CCDC7: variants seen among roughly 807,000 people sequenced by gnomAD.
The protein encoded by CCDC7 is coiled-coil domain containing 7, also known as coiled-coil domain-containing protein 7.
Under a neutral mutation model 196.9 loss-of-function variants are expected in CCDC7, and 183 were observed. That is an observed-to-expected ratio of 0.93 (90% confidence interval 0.82 to 1.05). The LOEUF is 1.05. CCDC7 is among the 50% of genes least tolerant of loss of function. The pLI is 0.00. For missense variants in CCDC7, 1,540 were observed against 1,482.2 expected (o/e 1.04, Z -0.64); for synonymous variants, 525 against 484.6 (o/e 1.08, Z -1.10).
At chr10:32,845,935 A>G (rs2093270928) in exon 36 of CCDC7, 2 of 1,611,952 alleles carry the variant, frequency 1.2e-6, no homozygotes, top group Non-Finnish European at 1.7e-6. Flanking sequence ...AGGGCCAATC[A>G]CTACACAACT....
rs540661401 is a variant in CCDC7, at chr10:32,734,568, A to G, written c.2905+5111A>G. 3.3e-5 allele frequency among the ~76,000 whole-genome samples: 5 copies of G among 152,270 alleles called. No individual in the cohort carries two copies. In the South Asian group the frequency reaches 1.0e-3, roughly 32 times the overall value. On this transcript the variant is annotated intron_variant, in intron 28 of 41. Coordinates refer to ENST00000639629, the Ensembl canonical transcript of CCDC7. ...GAGTTTACCTATGTAACAAACATTC[A>G]CAGATACCCCCGAACCTAAAATGAA...
intron 25 of CCDC7, among the ~76,000 whole-genome samples, chr10:32,724,267 C>G (rs2082804159): frequency 6.6e-6 from 1 of 152,112 alleles, no homozygotes; most frequent in Non-Finnish European, 1.5e-5. Flanking sequence ...ATGCATTTCT[C>G]TAACATCTCC....
intron 5 of CCDC7, among the ~76,000 whole-genome samples, chr10:32,468,898 A>G (rs981717158): frequency 6.6e-6 from 1 of 152,232 alleles, no homozygotes; most frequent in African/African-American, 2.4e-5. Flanking sequence ...ATCATTTTGC[A>G]TTACATGTTG....
chr10:32,685,525 A>G lies in CCDC7; in HGVS notation c.2123-445A>G, dbSNP rs2076367573. On this transcript the variant is annotated intron_variant, in intron 21 of 41. Coordinates refer to ENST00000639629, the Ensembl canonical transcript of CCDC7. ...CAGAAGCAGAAACTAAGAATCCATG[A>G]CTGTATTCTCTCCCTTGGACACCCC... Among the ~76,000 whole-genome samples the G allele has an allele frequency of 2.6e-5, 4 of 152,316 alleles. 1 individual carries two copies. The South Asian group carries it at 8.3e-4, about 32-fold the overall frequency.
chr10:32,487,413 C>A (rs1458440064), intron 8 of CCDC7, among the ~76,000 whole-genome samples: 2 of 152,166 alleles, frequency 1.3e-5, no homozygotes, highest in Non-Finnish European at 2.9e-5. Context: ...TTTTTAACTT[C>A]TTTGCCATGG....
In CCDC7 at chr10:32,768,864, C is replaced by A. The variant is rs573854633; in HGVS notation, c.2906-10113C>A. Among the ~76,000 whole-genome samples, 4 of 152,202 alleles carry A rather than the reference C, an allele frequency of 2.6e-5. No individual in the cohort carries two copies. The East Asian group carries it at 7.7e-4, about 29-fold the overall frequency. ...ACCATCCTTGAATCCCTGGAATAAA[C>A]CCCACTTAATCATGGTATATTATAT... On this transcript the variant is annotated intron_variant, in intron 28 of 41. Coordinates refer to ENST00000639629, the Ensembl canonical transcript of CCDC7.
intron 8 of CCDC7, among the ~76,000 whole-genome samples, chr10:32,480,820 T>G (rs2039834315): frequency 6.6e-6 from 1 of 152,192 alleles, no homozygotes; most frequent in Admixed American, 6.5e-5. Context: ...CTCTATATTC[T>G]CCTGCTGTTG....
chr10:32,614,140 G>A (rs2062498545), intron 18 of CCDC7, among the ~76,000 whole-genome samples: 1 of 151,924 alleles, frequency 6.6e-6, no homozygotes, highest in African/African-American at 2.4e-5. Flanking sequence ...TTGTTGCATT[G>A]ATCCCTTTAC....
chr10:32,537,491 C>G (rs541848235), intron 11 of CCDC7, among the ~76,000 whole-genome samples: 2 of 152,048 alleles, frequency 1.3e-5, no homozygotes, highest in Non-Finnish European at 2.9e-5. Context: ...TGCAGAAGCT[C>G]TTTAGTTTGG....
chr10:32,663,104 G>A (rs2140435542), intron 20 of CCDC7, among the ~76,000 whole-genome samples: 1 of 152,208 alleles, frequency 6.6e-6, no homozygotes, highest in Admixed American at 6.5e-5. Context: ...GGCCATGGAA[G>A]GACATTCTGA....
chr10:32,754,168 T>C (rs2076063894), intron 28 of CCDC7, among the ~76,000 whole-genome samples: 1 of 152,184 alleles, frequency 6.6e-6, no homozygotes, highest in Non-Finnish European at 1.5e-5. Flanking sequence ...GATTATTAGA[T>C]TTTGACTTTT....
chr10:32,620,004 C>G (rs2063225976), intron 18 of CCDC7, among the ~76,000 whole-genome samples: 1 of 141,888 alleles, frequency 7.0e-6, no homozygotes, highest in Non-Finnish European at 1.5e-5. Context: ...CTCACTGCAA[C>G]CTCCGCTTCC....
At chr10:32,797,001 G>A (rs963672007) in intron 29 of CCDC7, among the ~76,000 whole-genome samples, 8 of 151,960 alleles carry the variant, frequency 5.3e-5, no homozygotes, top group Non-Finnish European at 8.8e-5. Context: ...TACTTAAGAC[G>A]GGGGAAGAAA....
At position 32,574,459 on chromosome 10, in the gene CCDC7, A is replaced by G. The variant is rs748051177; in HGVS notation, c.1454+2566A>G. 5.6e-6 allele frequency: 9 copies of G among 1,593,164 alleles called. No homozygotes were observed. In the African/African-American group the frequency reaches 8.1e-5, roughly 14 times the overall value. On this transcript the variant is annotated intron_variant, in intron 16 of 41. Transcript: ENST00000639629. ...AATAGAGTTTCTGAAATACTTTGGA[A>G]AAGTCTCCCAAACCTTCAGAGAGTG...
intron 31 of CCDC7, among the ~76,000 whole-genome samples, chr10:32,820,797 C>A (rs1348955007): frequency 6.6e-6 from 1 of 152,122 alleles, no homozygotes; most frequent in Non-Finnish European, 1.5e-5. Context: ...CTTCCTTACA[C>A]CTTATACAAA....
chr10:32,563,380 T>G (rs921494146), intron 13 of CCDC7, among the ~76,000 whole-genome samples: 15 of 152,186 alleles, frequency 9.9e-5, no homozygotes, highest in African/African-American at 3.6e-4. Context: ...GGAGGCATCA[T>G]GCTACGTGAC....
At chr10:32,737,047 C>A (rs2084981122) in intron 28 of CCDC7, among the ~76,000 whole-genome samples, 1 of 152,022 alleles carries the variant, frequency 6.6e-6, no homozygotes, top group Admixed American at 6.6e-5. Flanking sequence ...TCTTAGTTTG[C>A]TGATAGTTTT....
chr10:32,720,876 G>A (rs897335429), intron 25 of CCDC7, among the ~76,000 whole-genome samples: 13 of 152,134 alleles, frequency 8.5e-5, no homozygotes, highest in African/African-American at 2.9e-4. Flanking sequence ...TATATTGCTT[G>A]AGCTCAGGAG....
intron 23 of CCDC7, among the ~76,000 whole-genome samples, chr10:32,690,903 AT>A (rs1169111767): frequency 3.9e-5 from 6 of 152,198 alleles, no homozygotes; most frequent in African/African-American, 1.4e-4. Flanking sequence ...GGATACTCTC[AT>A]GGTAGTGTTT....
Sources: gnomAD v4.1 joint callset for allele counts (sites outside exome capture counted in the v4.1 genomes callset) on GRCh38, gnomAD v4.1.1 for gene constraint, MANE v1.5 for transcripts, NCBI Gene and HGNC (gene_info 2026-07-23, HGNC 2026-07-21) for gene names.